DCLK1: variants seen among roughly 807,000 people sequenced by gnomAD.
DCLK1 encodes the protein doublecortin like kinase 1, also known as serine/threonine-protein kinase DCLK1.
A neutral mutation model predicts 86.2 loss-of-function variants in DCLK1; 16 were observed. The ratio of observed to expected loss-of-function variants is 0.19; its 90% CI spans 0.13 to 0.28. The LOEUF is 0.28. Among genes scored for constraint, DCLK1 ranks in the 10% least tolerant of loss-of-function variants. The pLI is 1.00. For synonymous variants in DCLK1, 369 were observed against 370.5 expected, an observed-to-expected ratio of 1.00 and a Z score of 0.05; for missense variants, 590 against 940.2, an observed-to-expected ratio of 0.63 and a Z score of 4.87.
At position 36,050,988 on chromosome 13, in the gene DCLK1, A is replaced by G. The variant is rs117679537; in HGVS notation, c.723+60881T>C. 5.6e-3 allele frequency among the ~76,000 whole-genome samples: 851 copies of G among 152,326 alleles called. 4 individuals are homozygous for G. The highest frequency in any genetic ancestry group is 9.7e-3 in the Non-Finnish European group (660 of 68,018). On this transcript the variant is annotated intron_variant, in intron 3 of 16. Coordinates refer to ENST00000360631, the MANE Select transcript of DCLK1 (RefSeq NM_001330071.2). ...GTGACATGTCAACAAGCCATTCACA[A>G]CAATGATACATCAGCCAATGAGAAG... is the stretch of plus-strand genomic sequence containing the variant.
intron 4 of DCLK1, among the ~76,000 whole-genome samples, chr13:35,903,822 G>C (rs888391350): frequency 7.2e-5 from 11 of 152,150 alleles, no homozygotes; most frequent in Non-Finnish European, 7.3e-5. Context: ...AGTCACTTGT[G>C]ATCCATATGC....
intron 4 of DCLK1, among the ~76,000 whole-genome samples, chr13:35,903,035 C>T (rs1455480740): frequency 1.3e-5 from 2 of 151,764 alleles, no homozygotes; most frequent in African/African-American, 4.8e-5. Context: ...AAGAATGGGG[C>T]AGGGAAAGAA....
chr13:35,825,386 C>T (rs921298423), intron 10 of DCLK1, among the ~76,000 whole-genome samples: 19 of 152,074 alleles, frequency 1.2e-4, no homozygotes, highest in African/African-American at 4.6e-4. Flanking sequence ...GCTACAGAGA[C>T]CTTCTATGGC....
chr13:36,097,270 A>G (rs923119558), intron 3 of DCLK1, among the ~76,000 whole-genome samples: 7 of 152,246 alleles, frequency 4.6e-5, no homozygotes, highest in Non-Finnish European at 1.5e-5. Context: ...TTTCTTGGTC[A>G]AAGTGTCTAA....
At chr13:35,961,141 G>C (rs1467785324) in intron 3 of DCLK1, among the ~76,000 whole-genome samples, 3 of 152,190 alleles carry the variant, frequency 2.0e-5, no homozygotes, top group Non-Finnish European at 4.4e-5. Context: ...TGGGAGACTT[G>C]AGTCACCTAC....
chr13:36,011,885 G>T, intron 3 of DCLK1, among the ~76,000 whole-genome samples: 1 of 149,632 alleles, frequency 6.7e-6, no homozygotes, highest in African/African-American at 2.5e-5. Context: ...GGTCACTCAG[G>T]TCTTGCTTTA....
chr13:35,909,998 C>T (rs138739836), intron 4 of DCLK1, among the ~76,000 whole-genome samples: 2 of 152,118 alleles, frequency 1.3e-5, no homozygotes, highest in African/African-American at 4.8e-5. Context: ...TAAAGACACC[C>T]GCATCCATCC....
chr13:35,791,862 C>T (rs1032548245), intron 16 of DCLK1, among the ~76,000 whole-genome samples: 1 of 152,168 alleles, frequency 6.6e-6, no homozygotes, highest in Non-Finnish European at 1.5e-5. Context: ...TGCTGGCAGT[C>T]CATTCCAAAA....
intron 4 of DCLK1, among the ~76,000 whole-genome samples, chr13:35,913,294 A>G (rs962570053): frequency 6.6e-6 from 1 of 152,056 alleles, no homozygotes; most frequent in African/African-American, 2.4e-5. Flanking sequence ...GGATACTTAA[A>G]AGATAAGGAA....
At chr13:35,914,203 C>T (rs1026500680) in intron 4 of DCLK1, among the ~76,000 whole-genome samples, 8 of 151,346 alleles carry the variant, frequency 5.3e-5, no homozygotes, top group African/African-American at 1.5e-4. Flanking sequence ...CCTATAGTCC[C>T]AGCTACTCGA....
At chr13:36,077,381 C>T (rs1593869601) in intron 3 of DCLK1, among the ~76,000 whole-genome samples, 1 of 152,252 alleles carries the variant, frequency 6.6e-6, no homozygotes, top group Non-Finnish European at 1.5e-5. Context: ...ACTTGCCCCC[C>T]TTCTAGATGT....
At chr13:36,032,133 CTTT>C (rs376271793) in intron 3 of DCLK1, among the ~76,000 whole-genome samples, 1 of 150,646 alleles carries the variant, frequency 6.6e-6, no homozygotes, top group East Asian at 2.0e-4. Flanking sequence ...TTTTTCTTTT[CTTT>C]TTTTTTCTTT....
At chr13:36,057,626 G>GAAA (rs1211344920) in intron 3 of DCLK1, among the ~76,000 whole-genome samples, 2 of 152,152 alleles carry the variant, frequency 1.3e-5, no homozygotes, top group African/African-American at 4.8e-5. Context: ...AGACACCCAT[G>GAAA]AAAAATTATT....
At chr13:36,043,073 G>T (rs9593714) in intron 3 of DCLK1, among the ~76,000 whole-genome samples, 1,537 of 152,186 alleles carry the variant, frequency 0.01, 15 homozygotes, top group South Asian at 0.019. Context: ...CTGGAAAGCA[G>T]TTAAAATAAG....
At chr13:36,001,419 G>A (rs369850769) in intron 3 of DCLK1, among the ~76,000 whole-genome samples, 22 of 152,270 alleles carry the variant, frequency 1.4e-4, no homozygotes, top group African/African-American at 5.3e-4. Flanking sequence ...CTCCTGGTTT[G>A]TGTGACCTCA....
chr13:35,771,176 T>G lies in DCLK1; in HGVS notation c.*3359A>C, dbSNP rs1169584810. 1 of 152,196 alleles carries G rather than the reference T, an allele frequency of 6.6e-6. No individual in the cohort carries two copies. 9.4% of individuals were successfully genotyped at this position (152,196 alleles called of 1,614,324 possible). On this transcript the variant is annotated 3_prime_UTR_variant, in exon 17 of 17. Coordinates refer to ENST00000360631, the MANE Select transcript of DCLK1 (RefSeq NM_001330071.2). ...TGACCCTCTAAGCCAAATTTTCTTTTCTTTTTGTTTTCAACTGAAATATGC... is the reference window on the plus strand; with the variant it reads ...TGACCCTCTAAGCCAAATTTTCTTTGCTTTTTGTTTTCAACTGAAATATGC...
At chr13:36,093,386 A>C (rs943779294) in intron 3 of DCLK1, among the ~76,000 whole-genome samples, 2 of 152,192 alleles carry the variant, frequency 1.3e-5, no homozygotes, top group African/African-American at 4.8e-5. Context: ...GCTACAGTGA[A>C]TCTCCCAGCC....
chr13:35,848,303 G>A (rs1326017185), intron 6 of DCLK1: 1 of 984,652 alleles, frequency 1.0e-6, no homozygotes, highest in African/African-American at 1.7e-5. Context: ...GAAAACTTCT[G>A]TGTTTGTTGC....
intron 16 of DCLK1, among the ~76,000 whole-genome samples, chr13:35,781,804 GC>G (rs1247032406): frequency 3.9e-5 from 6 of 152,266 alleles, no homozygotes; most frequent in African/African-American, 1.4e-4. Flanking sequence ...CCTTTCTTTT[GC>G]TTACCCTTAC....
Sources: allele counts gnomAD v4.1 joint callset (sites outside exome capture counted in the v4.1 genomes callset), GRCh38; gene constraint gnomAD v4.1.1; transcripts MANE v1.5; gene names NCBI Gene and HGNC (gene_info 2026-07-23, HGNC 2026-07-21).